The following PCBP3 variants were observed in gnomAD, a reference collection of about 807,000 sequenced individuals.
PCBP3 encodes the protein poly(rC)-binding protein 3.
In PCBP3, 25 loss-of-function variants were observed where a neutral mutation model predicts 52.7. The observed-to-expected ratio is 0.47, with a 90% confidence interval of 0.35 to 0.66. The LOEUF is 0.66. Ranked by LOEUF, PCBP3 falls within the 30% of genes least tolerant of loss-of-function variation. The probability of loss-of-function intolerance (pLI) is 0.01; values close to 1 mark genes in which losing one functional copy is unlikely to be tolerated. For synonymous variants in PCBP3, 162 were observed against 183.0 expected (o/e 0.89, Z 0.93); for missense variants, 391 against 490.3 (o/e 0.80, Z 1.91).
intron 2 of PCBP3, among the ~76,000 whole-genome samples, chr21:45,723,169 G>A (rs2084787562): frequency 6.6e-6 from 1 of 152,198 alleles, no homozygotes; most frequent in Admixed American, 6.5e-5. Context: ...ACAGAGAGCT[G>A]GCATGTGTTT....
intron 5 of PCBP3, among the ~76,000 whole-genome samples, chr21:45,875,811 T>G (rs1180250162): frequency 6.6e-6 from 1 of 152,234 alleles, no homozygotes; most frequent in Non-Finnish European, 1.5e-5. Context: ...TACTGTTCAC[T>G]TCTGGATCTT....
At chr21:45,896,405 G>A in intron 6 of PCBP3, 43 bp downstream of exon 6, 1 of 1,539,638 alleles carries the variant, frequency 6.5e-7, no homozygotes, top group Admixed American at 2.0e-5. Flanking sequence ...GGCGGCCGCG[G>A]CAGACAGAAC....
chr21:45,710,017 C>T (rs529709287), intron 2 of PCBP3, among the ~76,000 whole-genome samples: 1 of 152,248 alleles, frequency 6.6e-6, no homozygotes, highest in Non-Finnish European at 1.5e-5. Context: ...AGATAAACTG[C>T]CAGTTCTATC....
chr21:45,883,704 T>C (rs1371892809), intron 5 of PCBP3, among the ~76,000 whole-genome samples: 2 of 152,242 alleles, frequency 1.3e-5, no homozygotes, highest in African/African-American at 4.8e-5. Flanking sequence ...CCATTCCTGC[T>C]TTCTTTTGAT....
intron 4 of PCBP3, among the ~76,000 whole-genome samples, chr21:45,784,384 C>A (rs1227021363): frequency 1.7e-5 from 2 of 117,264 alleles, no homozygotes; most frequent in Non-Finnish European, 3.9e-5. Flanking sequence ...CTACCTCTAC[C>A]TCTACCTCTA....
chr21:45,646,053 TTC>T (rs10682556), intron 1 of PCBP3, among the ~76,000 whole-genome samples: 9,762 of 69,152 alleles, frequency 0.14, 717 homozygotes, highest in East Asian at 0.44. Flanking sequence ...TGTCACCTGT[TTC>T]TCTCTCTCTC....
intron 13 of PCBP3, among the ~76,000 whole-genome samples, chr21:45,923,655 G>A (rs910980147): frequency 6.6e-6 from 1 of 152,206 alleles, no homozygotes; most frequent in Admixed American, 6.5e-5. Flanking sequence ...GGAAGCCCAG[G>A]GGAGACATGG....
chr21:45,855,203 G>A (rs901783933), intron 5 of PCBP3, among the ~76,000 whole-genome samples: 8 of 152,174 alleles, frequency 5.3e-5, no homozygotes, highest in African/African-American at 1.9e-4. Context: ...TCCTGGAGGA[G>A]TGCACCTGGG....
intron 4 of PCBP3, among the ~76,000 whole-genome samples, chr21:45,780,067 T>C (rs1331857683): frequency 1.3e-5 from 2 of 152,048 alleles, no homozygotes; most frequent in Non-Finnish European, 2.9e-5. Flanking sequence ...TGTATATCCA[T>C]GTGAAAAAAA....
intron 4 of PCBP3, among the ~76,000 whole-genome samples, chr21:45,774,221 G>A (rs1480885787): frequency 6.6e-6 from 1 of 151,758 alleles, no homozygotes; most frequent in African/African-American, 2.4e-5. Context: ...TGGCCAACAT[G>A]GTGAAACTCC....
chr21:45,763,156 G>C (rs2088886875), intron 4 of PCBP3: 1 of 152,280 alleles, frequency 6.6e-6, no homozygotes, highest in African/African-American at 2.4e-5. Context: ...CTTTCCGCTC[G>C]GTCAGCTGAG....
chr21:45,939,865 T>G (rs1320653973), intron 16 of PCBP3, among the ~76,000 whole-genome samples, 165 bp from the exon 17 acceptor site: 1 of 152,164 alleles, frequency 6.6e-6, no homozygotes, highest in Admixed American at 6.5e-5. Flanking sequence ...AGGCACCACC[T>G]GCAGGCAGGT....
At chr21:45,941,632 G>T in intron 17 of PCBP3, 38 bp from the exon 18 acceptor site, 1 of 1,590,964 alleles carries the variant, frequency 6.3e-7, no homozygotes, top group Non-Finnish European at 8.6e-7. Flanking sequence ...GGCGTTGGTT[G>T]TGACCGTCTC....
chr21:45,803,965 G>T (rs1379130715), intron 4 of PCBP3, among the ~76,000 whole-genome samples: 1 of 152,196 alleles, frequency 6.6e-6, no homozygotes, highest in African/African-American at 2.4e-5. Context: ...CTAGACCTTA[G>T]TGCAGGTGCC....
Position 45,781,903 on chromosome 21 carries a change from C to T in PCBP3, c.-126+26451C>T, listed in dbSNP as rs190616558. On this transcript the variant is annotated intron_variant, in intron 4 of 17. Transcript: ENST00000681687. ...TCTGACGCTACAGAATTTACTTTCACTGAAAGTTTATATAAATGGAAATGC... is the reference window on the plus strand; with the variant it reads ...TCTGACGCTACAGAATTTACTTTCATTGAAAGTTTATATAAATGGAAATGC... Among the ~76,000 whole-genome samples, 10 of 152,328 alleles carry T rather than the reference C, an allele frequency of 6.6e-5. No homozygotes were observed. The East Asian group carries it at 1.9e-3, about 29-fold the overall frequency.
At chr21:45,931,702 T>C (rs575503176) in intron 15 of PCBP3, among the ~76,000 whole-genome samples, 2 of 151,888 alleles carry the variant, frequency 1.3e-5, no homozygotes, top group Admixed American at 6.6e-5. Context: ...TCGGCCATGC[T>C]GTCCTGAGAT....
chr21:45,883,125 T>G (rs2095440625), intron 5 of PCBP3, among the ~76,000 whole-genome samples: 1 of 152,240 alleles, frequency 6.6e-6, no homozygotes. Context: ...ATGTGTTTTT[T>G]GATGTTCCTT....
rs78624692 is a variant in PCBP3 at position 45,771,744 on chromosome 21, T to C, written c.-126+16292T>C. Among the ~76,000 whole-genome samples the C allele has an allele frequency of 5.9e-3, 898 of 152,214 alleles. 7 individuals are homozygous for C. The highest frequency in any genetic ancestry group is 0.02 in the African/African-American group (839 of 41,552). On this transcript the variant is annotated intron_variant, in intron 4 of 17. Transcript: ENST00000681687. ...TCATCTCTTCTATTCAGTATTTTACTGGAGGTTCTAGCAAGTTCAATAGTC... is the reference window on the plus strand; with the variant it reads ...TCATCTCTTCTATTCAGTATTTTACCGGAGGTTCTAGCAAGTTCAATAGTC...
intron 13 of PCBP3, among the ~76,000 whole-genome samples, chr21:45,924,035 C>T (rs71317799): frequency 3.0e-4 from 25 of 83,938 alleles, no homozygotes; most frequent in African/African-American, 1.3e-3. Context: ...ATGCGAACAC[C>T]GGGAACAGTC....
Sources: gnomAD v4.1 joint callset for allele counts (sites outside exome capture counted in the v4.1 genomes callset) on GRCh38, gnomAD v4.1.1 for gene constraint, MANE v1.5 for transcripts, NCBI Gene and HGNC (gene_info 2026-07-23, HGNC 2026-07-21) for gene names.